The following CD36 variants were observed in gnomAD, a reference collection of about 807,000 sequenced individuals.
CD36 encodes platelet glycoprotein 4.
In CD36, 119 loss-of-function variants were observed where a neutral mutation model predicts 55.2. That is an observed-to-expected ratio of 2.15 (90% CI 1.86 to 2.51). The LOEUF (loss-of-function observed/expected upper bound fraction) is 2.51, where lower values mean the gene tolerates loss of function less well. Among genes scored for constraint, CD36 ranks in the 30% most tolerant of loss-of-function variants. The pLI is 0.00. For synonymous variants in CD36, 186 were observed against 193.6 expected, an observed-to-expected ratio of 0.96 and a Z score of 0.33; for missense variants, 819 against 555.5, an observed-to-expected ratio of 1.47 and a Z score of -4.77.
At chr7:80,619,676 T>C (rs1454878300) in intron 1 of CD36, among the ~76,000 whole-genome samples, 1 of 141,736 alleles carries the variant, frequency 7.1e-6, no homozygotes, top group South Asian at 2.2e-4. Flanking sequence ...AAAAAGGCTA[T>C]AATTTCCATG....
chr7:80,663,926 A>C (rs1321359646), intron 6 of CD36, among the ~76,000 whole-genome samples: 1 of 151,946 alleles, frequency 6.6e-6, no homozygotes, highest in Non-Finnish European at 1.5e-5. Context: ...TAATGAATCA[A>C]ATTCATTCTG....
rs367847653 is a variant in CD36, at chr7:80,641,220, C to T, written c.-184+2474C>T. Among the ~76,000 whole-genome samples, 3 of 151,972 alleles carry T rather than the reference C, an allele frequency of 2.0e-5. No homozygotes were observed. In the East Asian group the frequency reaches 5.8e-4, roughly 29 times the overall value. The stretch of plus-strand genomic sequence containing the variant: ...CTAAACATGATTTTATAAAGAATGA[C>T]CTAATGACCTTATGTTGATGAAACA... On this transcript the variant is annotated intron_variant, in intron 1 of 14. Transcript: ENST00000447544.
chr7:80,670,210 C>T, intron 9 of CD36, 188 bp downstream of exon 9: 1 of 588,844 alleles, frequency 1.7e-6, no homozygotes, highest in Non-Finnish European at 3.0e-6. Context: ...TCTATCTAAG[C>T]AAGAACCATT....
rs959587483 is a variant in CD36 at position 80,646,999 on chromosome 7, G to C, written c.120+139G>C. The C allele has an allele frequency of 4.0e-5, 35 of 865,576 alleles. No individual in the cohort carries two copies. The African/African-American group carries it at 5.8e-4, about 14-fold the overall frequency. The allele number at this position is 865,576 out of a possible 1,614,324, so 53.6% of individuals were successfully genotyped here. A position where few individuals can be genotyped will look rare whatever the true frequency, so the allele number is the denominator to read the frequency against. On this transcript the variant is annotated intron_variant, in intron 3 of 14. Coordinates refer to ENST00000447544, the MANE Select transcript of CD36 (RefSeq NM_001001548.3). ...GACATAAAGGTAATTATGAACCACT[G>C]CAACTCTATATGATGCGACTTTATG...
At chr7:80,634,969 C>G (rs1794301006), upstream of CD36, among the ~76,000 whole-genome samples, 1 of 151,522 alleles carries the variant, frequency 6.6e-6, no homozygotes, top group South Asian at 2.1e-4. Context: ...GTCAAATGTC[C>G]AAAGACTATT....
intron 1 of CD36, among the ~76,000 whole-genome samples, chr7:80,631,517 C>T (rs1402700007): frequency 6.6e-6 from 1 of 151,264 alleles, no homozygotes; most frequent in Non-Finnish European, 1.5e-5. Context: ...GTGGAAATTC[C>T]AAAGTGAAGG....
rs1794126910 is a variant in CD36 at position 80,632,345 on chromosome 7, AG to A, written c.-183-13742del. Among the ~76,000 whole-genome samples the A allele has an allele frequency of 2.6e-5, 4 of 151,726 alleles. No individual in the cohort carries two copies. In the South Asian group the frequency reaches 6.2e-4, roughly 24 times the overall value. Reference sequence around the variant, plus strand: ...TTTAAATTATTTTTGTATGCTTCTTAGAAACTTCACCCCACAAGCTTTAAAA... The same window carrying A: ...TTTAAATTATTTTTGTATGCTTCTTAAAACTTCACCCCACAAGCTTTAAAA... On this transcript the variant is annotated intron_variant, in intron 1 of 13. Transcript: ENST00000309881.
At chr7:80,670,083 C>A in intron 9 of CD36, 61 bp downstream of exon 9, 1 of 998,066 alleles carries the variant, frequency 1.0e-6, no homozygotes, top group Non-Finnish European at 1.6e-6. Flanking sequence ...AAAATGCAGA[C>A]CAAGAAACTT....
At chr7:80,634,448 G>A (rs1794267077), upstream of CD36, among the ~76,000 whole-genome samples, 1 of 151,970 alleles carries the variant, frequency 6.6e-6, no homozygotes, top group Non-Finnish European at 1.5e-5. Context: ...TCTGCATATA[G>A]CCTTACATTT....
chr7:80,675,069 T>C (rs1025028135), intron 14 of CD36, among the ~76,000 whole-genome samples: 2 of 152,102 alleles, frequency 1.3e-5, no homozygotes, highest in Non-Finnish European at 2.9e-5. Context: ...AATAATTTCC[T>C]TTTGTGAGAT....
rs7810964 is a variant in CD36 at position 80,669,116 on chromosome 7, G to C, written c.749-837G>C. Among the ~76,000 whole-genome samples the C allele has an allele frequency of 5.4e-3, 828 of 152,246 alleles. 26 individuals are homozygous for C. The East Asian group carries it at 0.082, about 15-fold the overall frequency. ...TGTGGACATGGCAGGAGATCCAAAT[G>C]AACTTCACTGGAAGAAAAGTGCCAC... On this transcript the variant is annotated intron_variant, in intron 8 of 14. Transcript: ENST00000447544.
chr7:80,637,588 T>A (rs930465282), upstream of CD36, among the ~76,000 whole-genome samples: 3 of 151,956 alleles, frequency 2.0e-5, no homozygotes, highest in Admixed American at 2.0e-4. Context: ...TTCAGTTGTA[T>A]GGCACTGCTT....
chr7:80,674,019 A>AGAAGTCAAGT lies in CD36; in HGVS notation c.1292_1301dup (p.Thr435LysfsTer122). 4 of 1,612,428 alleles carry AGAAGTCAAGT rather than the reference A, an allele frequency of 2.5e-6. No individual in the cohort carries two copies. The highest frequency in any genetic ancestry group is 1.7e-4 in the Middle Eastern group (1 of 6,052). ...TGGTGATGAGAAGGCAAACATGTTC[A>AGAAGTCAAGT]GAAGTCAAGTAACTGGAAAAATAAA... On this transcript the variant is annotated frameshift_variant, in exon 14 of 15. Transcript: ENST00000447544. LOFTEE classifies it high-confidence loss of function.
intron 12 of CD36, 144 bp from the exon 13 acceptor site, chr7:80,673,211 A>G (rs1250403757): frequency 1.9e-6 from 1 of 536,318 alleles, no homozygotes; most frequent in Non-Finnish European, 3.3e-6. Context: ...GAAGTCAAAA[A>G]CAACTATATT....
chr7:80,640,972 T>G (rs558097766), intron 1 of CD36, among the ~76,000 whole-genome samples: 2 of 152,228 alleles, frequency 1.3e-5, no homozygotes, highest in East Asian at 3.9e-4. Flanking sequence ...CATGAGATAA[T>G]TTCAGTAAGA....
At chr7:80,665,494 T>C (rs3211916) in intron 7 of CD36, among the ~76,000 whole-genome samples, 4,953 of 137,258 alleles carry the variant, frequency 0.036, 322 homozygotes, top group African/African-American at 0.12. Flanking sequence ...GAGTCCACAG[T>C]TACATATTTT....
intron 1 of CD36, among the ~76,000 whole-genome samples, chr7:80,642,945 C>T (rs1794914919): frequency 6.6e-6 from 1 of 152,150 alleles, no homozygotes; most frequent in Non-Finnish European, 1.5e-5. Flanking sequence ...GACTCTACAG[C>T]AGTGGGATGT....
chr7:80,674,085 G>A lies in CD36; in HGVS notation c.1357G>A (p.Val453Met), dbSNP rs372308376. Reference protein sequence around the residue: ...LIEMILLSVGVVMFVAFMISY... With the variant: ...LIEMILLSVGMVMFVAFMISY... Reference sequence around the variant, plus strand: ...AGAAATGATCTTACTCAGTGTTGGTGTGGTGATGTTTGTTGCTTTTATGAT... The same window carrying A: ...AGAAATGATCTTACTCAGTGTTGGTATGGTGATGTTTGTTGCTTTTATGAT... Residue 453 changes from valine (V) to methionine (M), a missense_variant, in exon 14 of 15, where the codon GTG becomes ATG. Coordinates refer to ENST00000447544, the MANE Select transcript of CD36 (RefSeq NM_001001548.3). 5.6e-6 allele frequency: 9 copies of A among 1,612,392 alleles called. No homozygotes were observed. The African/African-American group carries it at 1.2e-4, about 22-fold the overall frequency.
chr7:80,627,024 C>G (rs576333982), intron 1 of CD36, among the ~76,000 whole-genome samples: 1 of 151,994 alleles, frequency 6.6e-6, no homozygotes, highest in East Asian at 1.9e-4. Flanking sequence ...AGCATTCTCT[C>G]CTGAGACAGA....
Sources: allele counts gnomAD v4.1 joint callset (sites outside exome capture counted in the v4.1 genomes callset), GRCh38; gene constraint gnomAD v4.1.1; transcripts MANE v1.5; gene names NCBI Gene and HGNC (gene_info 2026-07-23, HGNC 2026-07-21).